The following TMEM260 variants were observed in gnomAD, a reference collection of about 807,000 sequenced individuals.
The protein encoded by TMEM260 is protein O-mannosyl-transferase TMEM260.
TMEM260 carries 82 observed loss-of-function variants against 88.9 expected under a neutral mutation model. That is an observed-to-expected ratio of 0.92 (90% CI 0.77 to 1.11). TMEM260 has a LOEUF of 1.11. Among genes scored for constraint, TMEM260 ranks in the 50% least tolerant of loss-of-function variants. TMEM260 has a pLI of 0.00. For synonymous variants in TMEM260, 314 were observed against 309.3 expected, an observed-to-expected ratio of 1.02 and a Z score of -0.16; for missense variants, 902 against 853.4, an observed-to-expected ratio of 1.06 and a Z score of -0.71.
chr14:56,659,367 G>A, the TMEM260 span, among the ~76,000 whole-genome samples: 1 of 151,630 alleles, frequency 6.6e-6, no homozygotes, highest in Non-Finnish European at 1.5e-5. Flanking sequence ...ACAATAGATA[G>A]GACAGTGGTC....
Position 56,625,364 on chromosome 14 carries a change from G to C in TMEM260, c.1399-18G>C. The C allele has an allele frequency of 6.2e-7, 1 of 1,609,276 alleles. No homozygotes were observed. Among genetic ancestry groups the C allele is most frequent in the Non-Finnish European group, 8.5e-7 (1 of 1,178,750 alleles). ...AAATATATTAAAAGTCTGACATTAT[G>C]TGTGACTTTTCTGGCAGATGATGAC... On this transcript the variant is annotated intron_variant, in intron 11 of 15. Transcript: ENST00000261556.
chr14:56,653,745 A>AC (rs1555343568), downstream of TMEM260, among the ~76,000 whole-genome samples: 11 of 137,448 alleles, frequency 8.0e-5, no homozygotes, highest in African/African-American at 2.7e-4. Context: ...CCAAAACAAA[A>AC]AAAAAAAAAA....
At chr14:56,643,321 G>T (rs1889733793) in intron 15 of TMEM260, among the ~76,000 whole-genome samples, 1 of 152,088 alleles carries the variant, frequency 6.6e-6, no homozygotes, top group South Asian at 2.1e-4. Context: ...ATGATCAAGT[G>T]GGCTTCATCC....
chr14:56,643,504 G>A (rs750572369), intron 15 of TMEM260, among the ~76,000 whole-genome samples: 7 of 151,772 alleles, frequency 4.6e-5, no homozygotes, highest in Middle Eastern at 3.4e-3. Context: ...TTGATGGGAC[G>A]TATTTCAAAA....
intron 7 of TMEM260, among the ~76,000 whole-genome samples, chr14:56,615,151 G>A (rs530207787): frequency 6.6e-6 from 1 of 152,270 alleles, no homozygotes; most frequent in South Asian, 2.1e-4. Context: ...CATAGTAGAT[G>A]AGTCTTCATT....
At position 56,621,593 on chromosome 14, in the gene TMEM260, T is replaced by C; in HGVS notation, c.1289T>C (p.Met430Thr). Reference sequence around the variant, plus strand: ...TTCGCAAAGAACCTTCTCACCTCTATGCCTCATGATGCAATTATCTTACTC... The same window carrying C: ...TTCGCAAAGAACCTTCTCACCTCTACGCCTCATGATGCAATTATCTTACTC... Reference protein sequence around the residue: ...DKFAKNLLTSMPHDAIILLRG... With the variant: ...DKFAKNLLTSTPHDAIILLRG... The change falls in exon 11 of 16, where the codon ATG becomes ACG. Residue 430 changes from methionine (M) to threonine (T), a missense_variant. By Grantham distance (81) the Met-to-Thr change is moderately conservative (BLOSUM62 -1). Transcript: ENST00000261556. The C allele has an allele frequency of 6.2e-7, 1 of 1,613,730 alleles. No homozygotes were observed. The highest frequency in any genetic ancestry group is 1.1e-5 in the South Asian group (1 of 90,992).
downstream of TMEM260, among the ~76,000 whole-genome samples, chr14:56,653,741 C>CAAAAAAAAAAAAAAACA (rs370392374): frequency 9.0e-4 from 88 of 97,906 alleles, no homozygotes; most frequent in South Asian, 4.7e-3. Context: ...GTCTCCAAAA[C>CAAAAAAAAAAAAAAACA]AAAAAAAAAA....
chr14:56,642,076 A>T (rs1166657175), intron 15 of TMEM260, among the ~76,000 whole-genome samples: 1 of 152,194 alleles, frequency 6.6e-6, no homozygotes, highest in African/African-American at 2.4e-5. Context: ...TTAACACCCC[A>T]CTGTCAACAT....
Position 56,579,847 on chromosome 14 carries a change from T to C in TMEM260, c.-68T>C. The C allele has an allele frequency of 8.2e-7, 1 of 1,214,810 alleles. No individual in the cohort carries two copies. The highest frequency in any genetic ancestry group is 1.0e-6 in the Non-Finnish European group (1 of 972,978). 75.3% of individuals were successfully genotyped at this position (1,214,810 alleles called of 1,614,324 possible). A position where few individuals can be genotyped will look rare whatever the true frequency, so the allele number is the denominator to read the frequency against. ...GCACAAGCTGCGCTCGTCTCTCGGC[T>C]GGGGAGCTCCGTGTCGCACCGGGTT... On this transcript the variant is annotated 5_prime_UTR_variant, in exon 1 of 16. Coordinates refer to ENST00000261556, the MANE Select transcript of TMEM260 (RefSeq NM_017799.4).
At chr14:56,621,087 A>G (rs1887888005) in intron 10 of TMEM260, among the ~76,000 whole-genome samples, 1 of 152,190 alleles carries the variant, frequency 6.6e-6, no homozygotes, top group South Asian at 2.1e-4. Flanking sequence ...TGCATGCAAG[A>G]AAATCATACA....
At chr14:56,593,604 A>C (rs1467462279) in intron 3 of TMEM260, among the ~76,000 whole-genome samples, 1 of 149,122 alleles carries the variant, frequency 6.7e-6, no homozygotes, top group Non-Finnish European at 1.5e-5. Flanking sequence ...TTATTATGAG[A>C]TCTTAGAATT....
intron 1 of TMEM260, among the ~76,000 whole-genome samples, chr14:56,582,588 A>C (rs1242578467): frequency 6.6e-6 from 1 of 152,236 alleles, no homozygotes; most frequent in Non-Finnish European, 1.5e-5. Context: ...AACGTACTTC[A>C]GAATTACCTG....
downstream of TMEM260, chr14:56,649,593 G>A (rs1352072415): frequency 6.5e-6 from 1 of 152,784 alleles, no homozygotes; most frequent in African/African-American, 2.4e-5. Context: ...TCTATACACA[G>A]ATATGTGAAT....
At chr14:56,606,833 T>C (rs28506925) in intron 5 of TMEM260, among the ~76,000 whole-genome samples, 9,923 of 152,240 alleles carry the variant, frequency 0.065, 407 homozygotes, top group East Asian at 0.16. Context: ...AGGAGGAGGT[T>C]GCAGTGAGCC....
intron 1 of TMEM260, among the ~76,000 whole-genome samples, chr14:56,580,511 C>T (rs1017396465): frequency 6.6e-6 from 1 of 152,168 alleles, no homozygotes; most frequent in African/African-American, 2.4e-5. Context: ...ACAGCATATT[C>T]ACTGGTGATA....
At chr14:56,635,113 A>G (rs1594884174) in intron 14 of TMEM260, among the ~76,000 whole-genome samples, 161 bp downstream of exon 14, 1 of 152,302 alleles carries the variant, frequency 6.6e-6, no homozygotes, top group East Asian at 1.9e-4. Flanking sequence ...TTATACATGA[A>G]TATTTCAGTT....
rs944443594 is a variant in TMEM260, at chr14:56,647,705, C to T, written c.*208C>T. ...GCAAAATTCTGTTTATCCCGTGTTA[C>T]CAAATTACCATTTCAGTGAGAAGCT... is the stretch of plus-strand genomic sequence containing the variant. On this transcript the variant is annotated 3_prime_UTR_variant, in exon 16 of 16. Coordinates refer to ENST00000261556, the MANE Select transcript of TMEM260 (RefSeq NM_017799.4). The T allele has an allele frequency of 1.8e-6, 1 of 540,674 alleles. No homozygotes were observed. The highest frequency in any genetic ancestry group is 3.2e-6 in the Non-Finnish European group (1 of 317,046). The allele number at this position is 540,674 out of a possible 1,614,324, so 33.5% of individuals were successfully genotyped here. A position where few individuals can be genotyped will look rare whatever the true frequency, so the allele number is the denominator to read the frequency against.
intron 13 of TMEM260, 60 bp downstream of exon 13, chr14:56,633,231 A>G (rs1555340247): frequency 1.4e-6 from 2 of 1,405,556 alleles, no homozygotes; most frequent in Non-Finnish European, 1.9e-6. Context: ...TACCCAAAAA[A>G]ACTACTACAT....
intron 3 of TMEM260, among the ~76,000 whole-genome samples, chr14:56,588,149 T>G (rs1287323098): frequency 1.3e-5 from 2 of 152,116 alleles, no homozygotes; most frequent in Non-Finnish European, 2.9e-5. Flanking sequence ...CATTCCATTT[T>G]GTTGTTGAAT....
Sources: allele counts gnomAD v4.1 joint callset (sites outside exome capture counted in the v4.1 genomes callset), GRCh38; gene constraint gnomAD v4.1.1; transcripts MANE v1.5; gene names NCBI Gene and HGNC (gene_info 2026-07-23, HGNC 2026-07-21).